The following RANBP2 variants were observed in gnomAD, a reference collection of about 807,000 sequenced individuals.
RANBP2 encodes the protein RAN binding protein 2, also known as E3 SUMO-protein ligase RanBP2.
A neutral mutation model predicts 303.6 loss-of-function variants in RANBP2; 57 were observed. The ratio of observed to expected loss-of-function variants is 0.19; its 90% confidence interval spans 0.15 to 0.23. The LOEUF (loss-of-function observed/expected upper bound fraction) is 0.23. Among genes scored for constraint, RANBP2 ranks in the 10% least tolerant of loss-of-function variants. The pLI, the probability that RANBP2 is intolerant of heterozygous loss-of-function variation, is 1.00. For missense variants in RANBP2, 3,138 were observed against 3,780.8 expected (o/e 0.83, Z 4.46); for synonymous variants, 1,167 against 1,301.5 (o/e 0.90, Z 2.23).
chr2:109,130,504 C>T, the RANBP2 span, among the ~76,000 whole-genome samples: 3 of 152,192 alleles, frequency 2.0e-5, no homozygotes, highest in Non-Finnish European at 2.9e-5. Flanking sequence ...AAAGTTAGCC[C>T]TTAACGTTTC....
the RANBP2 span, among the ~76,000 whole-genome samples, chr2:108,926,970 C>T: frequency 6.6e-6 from 1 of 152,210 alleles, no homozygotes; most frequent in Non-Finnish European, 1.5e-5. Context: ...CAGGGTCCTA[C>T]CCTGGGGAAG....
At chr2:109,339,247 AAACCC>A in the RANBP2 span, among the ~76,000 whole-genome samples, 1 of 151,454 alleles carries the variant, frequency 6.6e-6, no homozygotes. Context: ...CTTGCAGTTT[AAACCC>A]ATGTTGGTTC....
the RANBP2 span, among the ~76,000 whole-genome samples, chr2:109,283,573 G>A: frequency 2.4e-4 from 36 of 152,156 alleles, no homozygotes; most frequent in Non-Finnish European, 4.6e-4. Context: ...GCAGGATGGG[G>A]GCACACTTCA....
chr2:109,463,831 C>T, the RANBP2 span, among the ~76,000 whole-genome samples: 2 of 152,102 alleles, frequency 1.3e-5, no homozygotes, highest in Admixed American at 6.6e-5. Context: ...CAGTGGAGGC[C>T]CCTTTCTCCC....
the RANBP2 span, among the ~76,000 whole-genome samples, chr2:109,024,150 C>A: frequency 1.3e-5 from 2 of 152,272 alleles, no homozygotes; most frequent in East Asian, 3.9e-4. Flanking sequence ...GTCTCGAACT[C>A]CCAATCTCAG....
chr2:108,984,467 C>G, the RANBP2 span, among the ~76,000 whole-genome samples: 1 of 152,130 alleles, frequency 6.6e-6, no homozygotes, highest in East Asian at 1.9e-4. Context: ...GTTCTCCTCT[C>G]CTCTCCTTCT....
chr2:108,840,793 T>C, the RANBP2 span, among the ~76,000 whole-genome samples: 4 of 138,254 alleles, frequency 2.9e-5, no homozygotes, highest in East Asian at 8.1e-4. Context: ...CATTTCTTTT[T>C]TTCTTTTTTT....
At chr2:109,406,852 G>A in the RANBP2 span, among the ~76,000 whole-genome samples, 1 of 152,014 alleles carries the variant, frequency 6.6e-6, no homozygotes, top group African/African-American at 2.4e-5. Flanking sequence ...AGTGGTCGAA[G>A]CCAATCTTAC....
intron 26 of RANBP2, among the ~76,000 whole-genome samples, chr2:108,781,926 A>G (rs1378009192): frequency 6.6e-6 from 1 of 152,196 alleles, no homozygotes; most frequent in Non-Finnish European, 1.5e-5. Context: ...TATAAAAGAA[A>G]ATGTTTAATG....
Position 108,729,183 on chromosome 2 carries a change from T to C in RANBP2, c.124T>C (p.Tyr42His), listed in dbSNP as rs763793018. The stretch of plus-strand genomic sequence containing the variant: ...AAAGCTGTATTATGAAGCTAAAGAA[T>C]ATGATCTTGCTAAAAAGTAAGTACA... The part of the protein sequence containing the change: ...FAKLYYEAKE[Y>H]DLAKKYICTY... The change falls in exon 2 of 29, where the codon TAT becomes CAT. Residue 42 changes from tyrosine to histidine, a missense_variant. By Grantham distance (83) the Tyr-to-His change is moderately conservative. Coordinates refer to ENST00000283195, the MANE Select transcript of RANBP2 (RefSeq NM_006267.5). The C allele has an allele frequency of 7.0e-6, 11 of 1,570,658 alleles. No homozygotes were observed. The Admixed American group carries it at 1.0e-4, about 15-fold the overall frequency.
chr2:109,255,948 C>A, the RANBP2 span, among the ~76,000 whole-genome samples: 2 of 152,210 alleles, frequency 1.3e-5, no homozygotes, highest in Non-Finnish European at 2.9e-5. Flanking sequence ...GAAGTGTTTT[C>A]TTGCTTAGTG....
the RANBP2 span, among the ~76,000 whole-genome samples, chr2:108,954,571 C>T: frequency 2.6e-5 from 4 of 152,200 alleles, no homozygotes; most frequent in Admixed American, 2.0e-4. Context: ...TCCCACCCAG[C>T]CCTGTGCCTG....
chr2:108,828,589 C>T, the RANBP2 span, among the ~76,000 whole-genome samples: 1 of 152,206 alleles, frequency 6.6e-6, no homozygotes, highest in Non-Finnish European at 1.5e-5. Flanking sequence ...GGAGACCACT[C>T]AGTGGAGGAA....
At chr2:108,892,732 G>C in the RANBP2 span, among the ~76,000 whole-genome samples, 1 of 152,196 alleles carries the variant, frequency 6.6e-6, no homozygotes, top group African/African-American at 2.4e-5. Flanking sequence ...GCCACTGGAA[G>C]TCTCTTATTC....
the RANBP2 span, among the ~76,000 whole-genome samples, chr2:109,075,589 A>AC: frequency 6.7e-6 from 1 of 149,652 alleles, no homozygotes; most frequent in Non-Finnish European, 1.5e-5. Flanking sequence ...CAAAAAAAAA[A>AC]AAAAAAAGGA....
the RANBP2 span, among the ~76,000 whole-genome samples, chr2:108,887,974 T>C: frequency 6.6e-6 from 1 of 152,222 alleles, no homozygotes; most frequent in African/African-American, 2.4e-5. Context: ...TTTTAGCTTT[T>C]CTTCATTCAG....
chr2:108,772,954 A>G lies in RANBP2; in HGVS notation c.8200A>G (p.Thr2734Ala), dbSNP rs1573834759. ...AGCAGATACGTTAAAACTTCCACCTACATTTTTTTGTGGAGTCTGTAGTGA... is the reference window on the plus strand; with the variant it reads ...AGCAGATACGTTAAAACTTCCACCTGCATTTTTTTGTGGAGTCTGTAGTGA... The part of the protein sequence containing the change: ...AKADTLKLPP[T>A]FFCGVCSDTD... The change falls in exon 23 of 29, where the codon ACA (threonine) becomes GCA (alanine). Residue 2734 changes from threonine (T) to alanine (A), a missense_variant. This residue lies in a region of RANBP2 where 497 missense variants were observed against 465.8 expected (regional missense o/e 1.07). Coordinates refer to ENST00000283195, the MANE Select transcript of RANBP2 (RefSeq NM_006267.5). 2.5e-6 allele frequency: 4 copies of G among 1,614,070 alleles called. No homozygotes were observed. Among genetic ancestry groups the G allele is most frequent in the Non-Finnish European group, 3.4e-6 (4 of 1,179,960 alleles).
At chr2:108,870,364 G>A in the RANBP2 span, among the ~76,000 whole-genome samples, 31 of 152,172 alleles carry the variant, frequency 2.0e-4, no homozygotes, top group Non-Finnish European at 3.7e-4. Flanking sequence ...AAGGACTTAC[G>A]CAGTACCATC....
At chr2:109,346,414 C>A in the RANBP2 span, among the ~76,000 whole-genome samples, 5 of 152,136 alleles carry the variant, frequency 3.3e-5, no homozygotes, top group Admixed American at 6.5e-5. Context: ...TTGATTGATT[C>A]GAATACTGAA....
Sources: gnomAD v4.1 joint callset for allele counts (sites outside exome capture counted in the v4.1 genomes callset) on GRCh38, gnomAD v4.1.1 for gene constraint, gnomAD v4.1.1 regional missense constraint, MANE v1.5 for transcripts, NCBI Gene and HGNC (gene_info 2026-07-23, HGNC 2026-07-21) for gene names.